Variants in EXOC3 observed in about 807,000 individuals in gnomAD.
EXOC3 encodes exocyst complex component 3.
EXOC3 carries 21 observed loss-of-function variants against 73.7 expected under a neutral mutation model. That is an observed-to-expected ratio of 0.29 (90% CI 0.20 to 0.41). The LOEUF is 0.41. Among genes scored for constraint, EXOC3 ranks in the 10% least tolerant of loss-of-function variants. The pLI, the probability that EXOC3 is intolerant of heterozygous loss-of-function variation, is 1.00. For synonymous variants in EXOC3, 410 were observed against 389.1 expected (o/e 1.05, Z -0.63); for missense variants, 842 against 985.1 (o/e 0.85, Z 1.95).
intron 12 of EXOC3, chr5:466,137 A>G (rs1290503187): frequency 1.2e-5 from 4 of 339,474 alleles, no homozygotes; most frequent in African/African-American, 4.3e-5. Flanking sequence ...GTGGTGGGGA[A>G]GATTTGGGCT....
intron 3 of EXOC3, among the ~76,000 whole-genome samples, chr5:450,360 C>A (rs1392883490): frequency 6.6e-6 from 1 of 152,168 alleles, no homozygotes; most frequent in African/African-American, 2.4e-5. Flanking sequence ...AGTTTTCCTT[C>A]TGATACTGAT....
chr5:461,095 A>G (rs1341041318), intron 7 of EXOC3, among the ~76,000 whole-genome samples: 4 of 152,246 alleles, frequency 2.6e-5, no homozygotes, highest in Non-Finnish European at 4.4e-5. Context: ...AGTTTCTGAA[A>G]GGGACATTTT....
chr5:445,347 T>C (rs1560934069), intron 1 of EXOC3, among the ~76,000 whole-genome samples: 1 of 53,824 alleles, frequency 1.9e-5, no homozygotes. Flanking sequence ...CTTTTTCTTT[T>C]TTTTTCTTTT....
intron 10 of EXOC3, 185 bp downstream of exon 10, chr5:464,597 C>A (rs1738081961): frequency 8.5e-6 from 5 of 587,530 alleles, no homozygotes; most frequent in African/African-American, 1.9e-5. Context: ...GTGAGAATGG[C>A]CGGGGCCCTG....
At chr5:465,579 A>G in intron 11 of EXOC3, 139 bp from the exon 12 acceptor site, 1 of 1,120,882 alleles carries the variant, frequency 8.9e-7, no homozygotes, top group Admixed American at 2.3e-5. Flanking sequence ...TGGCCCTGTC[A>G]CTGAGCTTTC....
intron 10 of EXOC3, 159 bp downstream of exon 10, chr5:464,571 C>T: frequency 4.3e-6 from 3 of 694,052 alleles, no homozygotes; most frequent in East Asian, 5.9e-5. Flanking sequence ...CGCCACCTCC[C>T]TGGGACGGGG....
At chr5:443,848 C>G (rs1737423691) in intron 1 of EXOC3, among the ~76,000 whole-genome samples, 1 of 151,982 alleles carries the variant, frequency 6.6e-6, no homozygotes, top group Non-Finnish European at 1.5e-5. Context: ...ACAGGTGTCC[C>G]CCCTCGGACC....
At chr5:463,966 C>A (rs1360098792) in intron 9 of EXOC3, among the ~76,000 whole-genome samples, 1 of 152,246 alleles carries the variant, frequency 6.6e-6, no homozygotes, top group African/African-American at 2.4e-5. Flanking sequence ...ACTTAAAGTA[C>A]ACATTTGCAG....
chr5:446,502 C>CATG (rs1356792170), intron 2 of EXOC3, among the ~76,000 whole-genome samples, 153 bp downstream of exon 2: 2 of 152,182 alleles, frequency 1.3e-5, no homozygotes, highest in African/African-American at 4.8e-5. Flanking sequence ...AGTGTATTAC[C>CATG]ACTCAGTAGC....
intron 1 of EXOC3, 49 bp downstream of exon 1, chr5:443,339 C>A: frequency 6.6e-6 from 1 of 151,078 alleles, no homozygotes; most frequent in South Asian, 1.9e-4. Flanking sequence ...GGGAGGTGGT[C>A]GCCGTCTTTC....
At chr5:447,025 A>T (rs537904011) in intron 2 of EXOC3, 1 of 155,278 alleles carries the variant, frequency 6.4e-6, no homozygotes, top group South Asian at 2.0e-4. Flanking sequence ...CAGAGAGCGG[A>T]TCTGAAGCTC....
At chr5:448,601 C>T (rs532670614) in intron 3 of EXOC3, among the ~76,000 whole-genome samples, 5 of 152,314 alleles carry the variant, frequency 3.3e-5, no homozygotes, top group African/African-American at 7.2e-5. Flanking sequence ...CATCCCCAGC[C>T]GTCACGTGCC....
At chr5:455,265 C>T (rs916528532) in intron 4 of EXOC3, among the ~76,000 whole-genome samples, 17 of 152,352 alleles carry the variant, frequency 1.1e-4, no homozygotes, top group Non-Finnish European at 2.2e-4. Flanking sequence ...GGGCCATGGC[C>T]ACTAGGCTGG....
chr5:457,704 C>T (rs981526930), intron 5 of EXOC3, 196 bp from the exon 6 acceptor site: 8 of 557,902 alleles, frequency 1.4e-5, no homozygotes, highest in Admixed American at 9.3e-5. Context: ...TAAACCCCTG[C>T]GGGCTGCTGT....
intron 3 of EXOC3, among the ~76,000 whole-genome samples, chr5:448,801 G>A (rs1161049717): frequency 2.0e-5 from 3 of 152,162 alleles, no homozygotes; most frequent in Non-Finnish European, 4.4e-5. Flanking sequence ...ACCTTGTCCC[G>A]TTGCTTTGTG....
At chr5:462,529 T>G in intron 9 of EXOC3, 1 of 562,208 alleles carries the variant, frequency 1.8e-6, no homozygotes, top group Non-Finnish European at 3.2e-6. Flanking sequence ...AGATTCACCC[T>G]GTAAGTATTA....
intron 12 of EXOC3, 149 bp from the exon 13 acceptor site, chr5:466,578 C>T (rs1738157922): frequency 4.5e-6 from 3 of 660,006 alleles, no homozygotes; most frequent in Non-Finnish European, 5.0e-6. Context: ...AGGCTTGTCT[C>T]CCGCTGAAAA....
intron 9 of EXOC3, chr5:462,619 C>T (rs2434694): frequency 0.53 from 181,567 of 342,100 alleles, 50,155 homozygotes; most frequent in African/African-American, 0.76. Flanking sequence ...TGAGAGTGCA[C>T]ACACACACAC....
At position 453,536 on chromosome 5, in the gene EXOC3, T is replaced by C. The variant is rs763310536; in HGVS notation, c.531T>C (p.Phe177=). 2 of 1,614,042 alleles carry C rather than the reference T, an allele frequency of 1.2e-6. No individual in the cohort carries two copies. Among genetic ancestry groups the C allele is most frequent in the East Asian group, 2.2e-5 (1 of 44,880 alleles). ...TRDMTLIHGY[F]GSTQGLSDEL... is the part of the protein sequence containing the mutation. ...ACATGACCCTCATCCATGGCTACTT[T>C]GGCAGCACGCAGGGGCTCTCTGATG... Residue 177 remains phenylalanine (F), a synonymous_variant, in exon 4 of 13, where the codon TTT becomes TTC. Transcript: ENST00000512944.
Sources: allele counts gnomAD v4.1 joint callset (sites outside exome capture counted in the v4.1 genomes callset), GRCh38; gene constraint gnomAD v4.1.1; transcripts MANE v1.5; gene names NCBI Gene and HGNC (gene_info 2026-07-23, HGNC 2026-07-21).